KLRG1: variants seen among roughly 807,000 people sequenced by gnomAD.
KLRG1 encodes the protein killer cell lectin-like receptor subfamily G member 1.
KLRG1 carries 16 observed loss-of-function variants against 21.8 expected under a neutral mutation model. That is an observed-to-expected ratio of 0.73 (90% confidence interval 0.50 to 1.11). The LOEUF is 1.11. Among genes scored for constraint, KLRG1 ranks in the 50% most tolerant of loss-of-function variants. The pLI is 0.00. For missense variants in KLRG1, 173 were observed against 218.3 expected, an observed-to-expected ratio of 0.79 and a Z score of 1.31; for synonymous variants, 69 against 75.9, an observed-to-expected ratio of 0.91 and a Z score of 0.47.
chr12:8,968,242 A>G (rs376816379), intron 1 of KLRG1, among the ~76,000 whole-genome samples: 5 of 7,200 alleles, frequency 6.9e-4, no homozygotes, highest in Non-Finnish European at 2.4e-3. Context: ...TATCTAAAAC[A>G]AAAAAAAAAC....
the KLRG1 span, chr12:9,163,683 T>A: frequency 2.5e-6 from 4 of 1,613,798 alleles, no homozygotes; most frequent in Non-Finnish European, 2.5e-6. Flanking sequence ...CCAACAGGGT[T>A]TTGATGACTG....
At chr12:8,985,257 T>A (rs1404550747), upstream of KLRG1, among the ~76,000 whole-genome samples, 2 of 60,178 alleles carry the variant, frequency 3.3e-5, no homozygotes, top group African/African-American at 8.3e-5. Flanking sequence ...ATTATCTGAT[T>A]TTTTTTTTGC....
the KLRG1 span, among the ~76,000 whole-genome samples, chr12:9,199,057 A>G: frequency 1.3e-5 from 2 of 152,182 alleles, no homozygotes; most frequent in East Asian, 3.8e-4. Context: ...GGAACATCAT[A>G]GGTAAGGTTC....
chr12:8,958,456 A>C (rs996054183), intron 1 of KLRG1, among the ~76,000 whole-genome samples: 1 of 152,242 alleles, frequency 6.6e-6, no homozygotes, highest in Non-Finnish European at 1.5e-5. Context: ...TAAGTCTTGA[A>C]GAAAGGTATT....
chr12:9,093,439 T>C, the KLRG1 span: 1 of 1,501,560 alleles, frequency 6.7e-7, no homozygotes, highest in Non-Finnish European at 9.3e-7. Flanking sequence ...TATTGTTGCA[T>C]ATTGCATATG....
chr12:9,189,759 A>G, the KLRG1 span, among the ~76,000 whole-genome samples: 1 of 152,232 alleles, frequency 6.6e-6, no homozygotes, highest in Non-Finnish European at 1.5e-5. Context: ...AAGGTCTAAT[A>G]TCTAGCATCT....
At chr12:9,003,494 T>C (rs1215118391) in intron 3 of KLRG1, among the ~76,000 whole-genome samples, 3 of 152,106 alleles carry the variant, frequency 2.0e-5, no homozygotes, top group African/African-American at 4.8e-5. Flanking sequence ...CCATTCTTTT[T>C]TTCCTAATTT....
the KLRG1 span, among the ~76,000 whole-genome samples, chr12:9,027,338 T>C: frequency 6.6e-6 from 1 of 152,304 alleles, no homozygotes. Context: ...AAATAACCTG[T>C]TATACAATTA....
At chr12:9,170,634 TGAGGAC>T in the KLRG1 span, among the ~76,000 whole-genome samples, 3 of 152,124 alleles carry the variant, frequency 2.0e-5, no homozygotes, top group African/African-American at 7.2e-5. This position sits in a 1 kb window ranked among gnomAD's most constrained non-coding sequence, Gnocchi z 4.6. Flanking sequence ...TCTGTGGTTC[TGAGGAC>T]TCAGCCACTC....
chr12:9,123,222 AC>A, the KLRG1 span, among the ~76,000 whole-genome samples: 1 of 152,148 alleles, frequency 6.6e-6, no homozygotes. Context: ...GACACCTGAA[AC>A]CACAGATAGT....
the KLRG1 span, among the ~76,000 whole-genome samples, chr12:9,120,886 T>TGTA: frequency 3.2e-4 from 47 of 148,028 alleles, no homozygotes; most frequent in African/African-American, 9.4e-4. Flanking sequence ...TGTGTGTGTA[T>TGTA]TTTTTTTTTT....
the KLRG1 span, chr12:9,098,583 T>C: frequency 6.3e-7 from 1 of 1,579,622 alleles, no homozygotes; most frequent in Non-Finnish European, 8.6e-7. Flanking sequence ...CCCTTCTTGA[T>C]TCCTGAGGCT....
chr12:9,051,000 A>G, the KLRG1 span, among the ~76,000 whole-genome samples: 1 of 152,140 alleles, frequency 6.6e-6, no homozygotes, highest in Non-Finnish European at 1.5e-5. Flanking sequence ...GTAAGGCCCC[A>G]CCTTCAGATC....
chr12:9,152,251 C>T, the KLRG1 span: 1 of 1,612,732 alleles, frequency 6.2e-7, no homozygotes, highest in Non-Finnish European at 8.5e-7. Context: ...GGGAATAAAA[C>T]CAGATACCAT....
the KLRG1 span, chr12:9,115,476 C>A: frequency 3.4e-6 from 1 of 292,506 alleles, no homozygotes; most frequent in South Asian, 4.1e-5. Context: ...ATAGCATGGT[C>A]TCAAGTAGAT....
chr12:9,103,248 CT>C, the KLRG1 span, among the ~76,000 whole-genome samples: 3 of 152,124 alleles, frequency 2.0e-5, no homozygotes, highest in Non-Finnish European at 4.4e-5. Context: ...TTCACTTAAT[CT>C]TCACAACCAC....
At chr12:9,027,838 T>C in the KLRG1 span, 6 of 1,049,434 alleles carry the variant, frequency 5.7e-6, no homozygotes. Context: ...TTTTCTCCAC[T>C]ACCAAAGTTG....
the KLRG1 span, chr12:9,202,527 G>A: frequency 1.9e-5 from 30 of 1,613,846 alleles, no homozygotes; most frequent in Non-Finnish European, 2.5e-5. Context: ...CTACTTACCT[G>A]TCTGTCCTGG....
the KLRG1 span, among the ~76,000 whole-genome samples, chr12:9,212,408 A>G: frequency 6.6e-6 from 1 of 152,224 alleles, no homozygotes; most frequent in Non-Finnish European, 1.5e-5. Context: ...CTGGTACCAG[A>G]TTTCAAGGCC....
Sources: gnomAD v4.1 joint callset for allele counts (sites outside exome capture counted in the v4.1 genomes callset) on GRCh38, gnomAD v4.1.1 for gene constraint, Gnocchi (gnomAD v3.1) non-coding constraint, MANE v1.5 for transcripts, NCBI Gene and HGNC (gene_info 2026-07-23, HGNC 2026-07-21) for gene names.